BRWD3: variants seen among roughly 807,000 people sequenced by gnomAD.
The protein encoded by BRWD3 is bromodomain and WD repeat-containing protein 3.
In BRWD3, 10 loss-of-function variants were observed where a neutral mutation model predicts 149.7. That is an observed-to-expected ratio of 0.07 (90% CI 0.04 to 0.11). The LOEUF is 0.11. Ranked by LOEUF, BRWD3 falls within the 10% of genes least tolerant of loss-of-function variation. BRWD3 has a pLI of 1.00. For missense variants in BRWD3, 940 were observed against 1,373.2 expected (o/e 0.68, Z 4.99); for synonymous variants, 504 against 456.7 (o/e 1.10, Z -1.32).
At chrX:80,801,206 G>GA (rs2074291864) in intron 4 of BRWD3, among the ~76,000 whole-genome samples, 1 of 91,254 alleles carries the variant, frequency 1.1e-5, no homozygotes, top group Non-Finnish European at 2.1e-5. Context: ...AGGGGCATGA[G>GA]AAAACATCTT....
intron 35 of BRWD3, among the ~76,000 whole-genome samples, chrX:80,686,373 T>C (rs1238669214): frequency 1.8e-5 from 2 of 109,054 alleles, no homozygotes; most frequent in Admixed American, 9.9e-5. Context: ...TATACGTATG[T>C]AACAAACCTG....
At position 80,709,344 on chromosome X, in the gene BRWD3, AAAG is replaced by A. The variant is rs777252676; in HGVS notation, c.2475+81_2475+83del. The A allele has an allele frequency of 5.6e-4, 428 of 764,506 alleles. 1 individual carries two copies. The East Asian group carries it at 7.2e-3, about 13-fold the overall frequency. The allele number at this position is 764,506 out of a possible 1,213,427, so 63.0% of individuals were successfully genotyped here. A position where few individuals can be genotyped will look rare whatever the true frequency, so the allele number is the denominator to read the frequency against. On this transcript the variant is annotated intron_variant, in intron 21 of 40. Coordinates refer to ENST00000373275, the MANE Select transcript of BRWD3 (RefSeq NM_153252.5). The stretch of plus-strand genomic sequence containing the variant: ...AATATAATTAAAATAATTTTCTATT[AAAG>A]AAGTGACCCTTAAACCCAAATGGAT...
intron 24 of BRWD3, among the ~76,000 whole-genome samples, chrX:80,702,567 T>TA (rs1307425544): frequency 8.9e-6 from 1 of 112,412 alleles, no homozygotes; most frequent in East Asian, 2.8e-4. Flanking sequence ...TTTATTAACA[T>TA]AACTATGCAA....
Position 80,691,900 on chromosome X carries a change from T to G in BRWD3, c.3404A>C (p.Glu1135Ala). 1 of 1,210,008 alleles carries G rather than the reference T, an allele frequency of 8.3e-7. No individual in the cohort carries two copies. Among genetic ancestry groups the G allele is most frequent in the Non-Finnish European group, 1.1e-6 (1 of 894,999 alleles). Residue 1135 changes from glutamate to alanine, a missense_variant, in exon 30 of 41, where the codon GAA (glutamate) becomes GCA (alanine). Physicochemically the swap from Glu to Ala is moderately radical, Grantham distance 107 (BLOSUM62 -1). This residue lies in a region of BRWD3 where 158 missense variants were observed against 284.0 expected (regional missense o/e 0.56). Coordinates refer to ENST00000373275, the MANE Select transcript of BRWD3 (RefSeq NM_153252.5). ...TCTGGAATGAGCCCCCCACTCTCCT[T>G]CCTGGGGTTTGTATAGCAAAGCAGT... The part of the protein sequence containing the change: ...ELTALLYKPQ[E>A]GEWGAHSRDE...
intron 6 of BRWD3, among the ~76,000 whole-genome samples, chrX:80,760,816 T>C (rs2073794684): frequency 8.9e-6 from 1 of 111,894 alleles, no homozygotes; most frequent in African/African-American, 3.2e-5. Context: ...AGTAATCTGC[T>C]AAAATATTAG....
intron 8 of BRWD3, among the ~76,000 whole-genome samples, chrX:80,739,687 A>C (rs956085675): frequency 8.9e-6 from 1 of 111,939 alleles, no homozygotes; most frequent in African/African-American, 3.2e-5. Context: ...GATGCCTGAA[A>C]CCTTGAATAG....
intron 35 of BRWD3, among the ~76,000 whole-genome samples, chrX:80,686,234 G>A (rs1365216377): frequency 1.1e-5 from 1 of 94,565 alleles, no homozygotes; most frequent in Non-Finnish European, 2.1e-5. Context: ...TTGAACACAG[G>A]AAGGGGAACA....
chrX:80,788,145 T>C (rs1028281373), intron 6 of BRWD3, among the ~76,000 whole-genome samples: 3 of 104,701 alleles, frequency 2.9e-5, no homozygotes, highest in Admixed American at 1.0e-4. Flanking sequence ...AAGACACTGG[T>C]AATAAAATAG....
chrX:80,801,589 C>T (rs754388923), intron 4 of BRWD3, among the ~76,000 whole-genome samples: 17 of 109,262 alleles, frequency 1.6e-4, no homozygotes, highest in Non-Finnish European at 3.0e-4. Flanking sequence ...ACCTGTAATC[C>T]CAACATTTTG....
chrX:80,805,402 C>T (rs778138833), intron 4 of BRWD3, among the ~76,000 whole-genome samples: 1 of 111,237 alleles, frequency 9.0e-6, no homozygotes, highest in East Asian at 2.8e-4. Flanking sequence ...ATGCAGTATA[C>T]GTGGCCATGC....
intron 5 of BRWD3, 83 bp downstream of exon 5, chrX:80,793,539 A>G: frequency 1.0e-6 from 1 of 995,469 alleles, no homozygotes; most frequent in Non-Finnish European, 1.4e-6. Flanking sequence ...TTAGAAAAGC[A>G]TGGGAACATT....
intron 4 of BRWD3, among the ~76,000 whole-genome samples, chrX:80,794,122 GA>G (rs2074211497): frequency 9.0e-6 from 1 of 111,660 alleles, no homozygotes; most frequent in Admixed American, 9.5e-5. Context: ...AGGTTGCAGT[GA>G]GCCAAGATTG....
intron 5 of BRWD3, among the ~76,000 whole-genome samples, chrX:80,792,806 T>A (rs1389391621): frequency 2.7e-5 from 3 of 111,045 alleles, no homozygotes; most frequent in Non-Finnish European, 5.6e-5. Context: ...ATATTGAGGT[T>A]CCAGGTAAAA....
chrX:80,766,291 G>C (rs1420076006), intron 6 of BRWD3, among the ~76,000 whole-genome samples: 2 of 110,930 alleles, frequency 1.8e-5, no homozygotes, highest in Non-Finnish European at 3.8e-5. Context: ...TTTTGGACTT[G>C]GACAGGATCT....
At chrX:80,721,194 T>C (rs1456779603) in intron 17 of BRWD3, among the ~76,000 whole-genome samples, 1 of 112,393 alleles carries the variant, frequency 8.9e-6, no homozygotes, top group Non-Finnish European at 1.9e-5. Flanking sequence ...TTCTTAAGTA[T>C]ATCATAGCCC....
chrX:80,730,825 A>G (rs1367469749), intron 12 of BRWD3, among the ~76,000 whole-genome samples: 25 of 112,098 alleles, frequency 2.2e-4, no homozygotes, highest in Admixed American at 2.0e-3. Flanking sequence ...ATTGAACTAC[A>G]TATGTTTTTC....
chrX:80,725,179 A>T lies in BRWD3; in HGVS notation c.1387-112T>A. On this transcript the variant is annotated intron_variant, in intron 14 of 40. Coordinates refer to ENST00000373275, the MANE Select transcript of BRWD3 (RefSeq NM_153252.5). ...GGTTCAAATGAATTTATGCAGAATA[A>T]TTTAACAGCATTTATGACATGGATA... The T allele has an allele frequency of 3.8e-6, 3 of 783,196 alleles. No individual in the cohort carries two copies. In the African/African-American group the frequency reaches 6.1e-5, roughly 16 times the overall value. The allele number at this position is 783,196 out of a possible 1,213,427, so 64.5% of individuals were successfully genotyped here.
intron 4 of BRWD3, among the ~76,000 whole-genome samples, chrX:80,795,356 C>T (rs2074225863): frequency 9.2e-6 from 1 of 109,147 alleles, no homozygotes; most frequent in Non-Finnish European, 1.9e-5. Context: ...TATATATACA[C>T]ACACACACAC....
intron 16 of BRWD3, among the ~76,000 whole-genome samples, 162 bp from the exon 17 acceptor site, chrX:80,722,949 T>C (rs763528817): frequency 9.0e-6 from 1 of 111,502 alleles, no homozygotes; most frequent in African/African-American, 3.3e-5. Flanking sequence ...GAGAATTGAA[T>C]TACCTAAATG....
Sources: gnomAD v4.1 joint callset for allele counts (sites outside exome capture counted in the v4.1 genomes callset) on GRCh38, gnomAD v4.1.1 for gene constraint, gnomAD v4.1.1 regional missense constraint, MANE v1.5 for transcripts, NCBI Gene and HGNC (gene_info 2026-07-23, HGNC 2026-07-21) for gene names.